The following UBE3C variants were observed in gnomAD, a reference collection of about 807,000 sequenced individuals.
The protein encoded by UBE3C is ubiquitin protein ligase E3C, also known as ubiquitin-protein ligase E3C.
UBE3C carries 42 observed loss-of-function variants against 129.4 expected under a neutral mutation model. The ratio of observed to expected loss-of-function variants is 0.32; its 90% CI spans 0.25 to 0.42. The LOEUF is 0.42. UBE3C is among the 10% of genes least tolerant of loss of function. UBE3C has a pLI of 1.00. For synonymous variants in UBE3C, 510 were observed against 492.4 expected (o/e 1.04, Z -0.47); for missense variants, 1,049 against 1,319.1 (o/e 0.80, Z 3.17).
At chr7:157,145,478 A>G (rs1807579729) in intron 1 of UBE3C, among the ~76,000 whole-genome samples, 2 of 152,252 alleles carry the variant, frequency 1.3e-5, no homozygotes, top group South Asian at 4.1e-4. Flanking sequence ...AGATCACGCC[A>G]TTGCACTCCA....
chr7:157,235,059 T>C (rs1182436), intron 18 of UBE3C, among the ~76,000 whole-genome samples: 108,403 of 151,878 alleles, frequency 0.71, 41,547 homozygotes, highest in East Asian at 0.93. Flanking sequence ...GGCGTGGTGG[T>C]GCATGCCTTT....
chr7:157,164,275 T>C, intron 2 of UBE3C: 3 of 448,772 alleles, frequency 6.7e-6, no homozygotes, highest in South Asian at 4.7e-5. Context: ...CTTCCTGCTC[T>C]AGCCTCCTGT....
chr7:157,206,578 T>C (rs1309576378), intron 11 of UBE3C, among the ~76,000 whole-genome samples: 2 of 151,290 alleles, frequency 1.3e-5, no homozygotes, highest in Non-Finnish European at 2.9e-5. Context: ...CTTTTCTTTT[T>C]TTTTTTCCTT....
intron 10 of UBE3C, chr7:157,192,528 G>A (rs1808997593): frequency 1.3e-6 from 1 of 763,138 alleles, no homozygotes; most frequent in Non-Finnish European, 2.4e-6. Flanking sequence ...GAAGATGGAT[G>A]TACTGTCTGA....
At chr7:157,221,880 G>A (rs1795747550) in intron 15 of UBE3C, 1 of 151,836 alleles carries the variant, frequency 6.6e-6, no homozygotes, top group African/African-American at 2.4e-5. Flanking sequence ...GTTGTTTTTT[G>A]TTTTTTTGGA....
chr7:157,234,335 G>C (rs2116645165), intron 18 of UBE3C, among the ~76,000 whole-genome samples: 1 of 152,216 alleles, frequency 6.6e-6, no homozygotes, highest in East Asian at 1.9e-4. Context: ...GATCCTTTTT[G>C]AGTTAATTTT....
At chr7:157,230,001 C>T (rs975252524) in intron 17 of UBE3C, among the ~76,000 whole-genome samples, 3 of 152,002 alleles carry the variant, frequency 2.0e-5, no homozygotes, top group African/African-American at 7.2e-5. Flanking sequence ...CTCTGTCTCC[C>T]AGATTCAAGT....
chr7:157,248,844 C>T (rs1189950255), intron 19 of UBE3C, among the ~76,000 whole-genome samples: 1 of 152,186 alleles, frequency 6.6e-6, no homozygotes, highest in Non-Finnish European at 1.5e-5. Context: ...GGCTGCGGCC[C>T]AGGCTTGCTG....
At chr7:157,263,932 T>C (rs1045637321) in intron 22 of UBE3C, among the ~76,000 whole-genome samples, 9 of 152,200 alleles carry the variant, frequency 5.9e-5, no homozygotes, top group South Asian at 2.1e-4. Context: ...AATGTAGATA[T>C]GCATAATTTT....
chr7:157,227,554 G>C (rs1378895218), intron 17 of UBE3C, among the ~76,000 whole-genome samples: 1 of 146,672 alleles, frequency 6.8e-6, no homozygotes, highest in Non-Finnish European at 1.5e-5. Flanking sequence ...AAAAAAAATA[G>C]CTGGGCGTGG....
chr7:157,161,035 C>CTA (rs1204779350), intron 1 of UBE3C, among the ~76,000 whole-genome samples: 1 of 152,126 alleles, frequency 6.6e-6, no homozygotes, highest in African/African-American at 2.4e-5. Flanking sequence ...GATAAGAACT[C>CTA]TATAAGATTG....
intron 12 of UBE3C, 26 bp from the exon 13 acceptor site, chr7:157,207,677 A>C: frequency 6.2e-7 from 1 of 1,603,522 alleles, no homozygotes. Flanking sequence ...AAAAGAAACA[A>C]TAGAAAACTG....
intron 18 of UBE3C, among the ~76,000 whole-genome samples, chr7:157,247,784 A>T (rs1309835808): frequency 6.6e-6 from 1 of 152,114 alleles, no homozygotes; most frequent in Admixed American, 6.5e-5. Flanking sequence ...TCATTGACAC[A>T]TTGTCCATGG....
At chr7:157,170,504 T>C in intron 4 of UBE3C, 54 bp downstream of exon 4, 1 of 1,425,952 alleles carries the variant, frequency 7.0e-7, no homozygotes, top group Non-Finnish European at 9.2e-7. Context: ...TCTGCTTTTT[T>C]GTTTAAAGTG....
intron 15 of UBE3C, 85 bp downstream of exon 15, chr7:157,220,861 T>G: frequency 1.4e-6 from 2 of 1,452,858 alleles, no homozygotes; most frequent in Non-Finnish European, 1.9e-6. Flanking sequence ...CTGTTATTTT[T>G]CATAAACTTA....
At chr7:157,141,983 T>C (rs1200703485) in intron 1 of UBE3C, among the ~76,000 whole-genome samples, 2 of 152,260 alleles carry the variant, frequency 1.3e-5, no homozygotes, top group East Asian at 3.8e-4. Context: ...TGCACACCGC[T>C]GCCACAGTTT....
intron 10 of UBE3C, among the ~76,000 whole-genome samples, chr7:157,195,204 G>C (rs931139340): frequency 6.6e-6 from 1 of 152,174 alleles, no homozygotes; most frequent in Non-Finnish European, 1.5e-5. Context: ...ATTAGAGACG[G>C]GATTTTCCAG....
intron 2 of UBE3C, chr7:157,164,339 C>T: frequency 2.2e-6 from 1 of 456,306 alleles, no homozygotes; most frequent in African/African-American, 2.0e-5. Context: ...AAGATTTTTA[C>T]ATAGATAGGG....
chr7:157,249,222 C>A (rs757147780), intron 19 of UBE3C, among the ~76,000 whole-genome samples: 1 of 152,090 alleles, frequency 6.6e-6, no homozygotes, highest in African/African-American at 2.4e-5. Flanking sequence ...ACAGAGCAAC[C>A]GTGCACCCAT....
Sources: gnomAD v4.1 joint callset for allele counts (sites outside exome capture counted in the v4.1 genomes callset) on GRCh38, gnomAD v4.1.1 for gene constraint, MANE v1.5 for transcripts, NCBI Gene and HGNC (gene_info 2026-07-23, HGNC 2026-07-21) for gene names.